RTL4: variants seen among roughly 807,000 people sequenced by gnomAD.
RTL4 encodes the protein retrotransposon Gag-like protein 4.
A neutral mutation model predicts 5.3 loss-of-function variants in RTL4; 4 were observed. That is an observed-to-expected ratio of 0.75 (90% CI 0.37 to 1.72). The LOEUF (loss-of-function observed/expected upper bound fraction) is 1.72. Ranked by LOEUF, RTL4 falls within the 40% of genes most tolerant of loss-of-function variation. The pLI, the probability that RTL4 is intolerant of heterozygous loss-of-function variation, is 0.04. For synonymous variants in RTL4, 98 were observed against 87.3 expected (o/e 1.12, Z -0.68); for missense variants, 260 against 227.1 (o/e 1.14, Z -0.93).
the RTL4 span, among the ~76,000 whole-genome samples, chrX:112,175,220 G>A: frequency 5.6e-3 from 560 of 99,676 alleles, 7 homozygotes; most frequent in African/African-American, 0.017. Flanking sequence ...TAGGTCTAAC[G>A]TTTAAGTCTT....
the RTL4 span, among the ~76,000 whole-genome samples, chrX:112,110,774 T>G: frequency 8.9e-6 from 1 of 112,283 alleles, no homozygotes. Context: ...CTAACTCTGC[T>G]TTTACAAGAG....
At chrX:112,256,832 G>A in the RTL4 span, among the ~76,000 whole-genome samples, 4 of 111,556 alleles carry the variant, frequency 3.6e-5, no homozygotes, top group Admixed American at 9.6e-5. Flanking sequence ...TTTATTGCTG[G>A]TGTATAAGAA....
At chrX:112,400,864 C>G in the RTL4 span, among the ~76,000 whole-genome samples, 4 of 111,372 alleles carry the variant, frequency 3.6e-5, no homozygotes, top group African/African-American at 1.3e-4. Flanking sequence ...TTCTTTGGTA[C>G]TCTCTTCTGC....
the RTL4 span, among the ~76,000 whole-genome samples, chrX:112,303,309 AATTAT>A: frequency 9.0e-6 from 1 of 110,782 alleles, no homozygotes; most frequent in African/African-American, 3.3e-5. Context: ...ATTTTAAATG[AATTAT>A]ATTATCCATA....
At chrX:112,083,034 C>G in the RTL4 span, among the ~76,000 whole-genome samples, 109 of 110,099 alleles carry the variant, frequency 9.9e-4, no homozygotes, top group Admixed American at 5.7e-3. Flanking sequence ...TGCAGCTCCG[C>G]GGCCAGGGGT....
the RTL4 span, among the ~76,000 whole-genome samples, chrX:112,189,917 CCTT>C: frequency 9.0e-6 from 1 of 111,518 alleles, no homozygotes; most frequent in Non-Finnish European, 1.9e-5. Flanking sequence ...ACAAAACAGA[CCTT>C]GAGAAATTCA....
the RTL4 span, among the ~76,000 whole-genome samples, chrX:112,339,648 GA>G: frequency 2.7e-5 from 3 of 112,517 alleles, no homozygotes; most frequent in Non-Finnish European, 5.6e-5. Context: ...CGCTAACAAT[GA>G]AAAGACTAAA....
At chrX:112,113,590 G>T in the RTL4 span, among the ~76,000 whole-genome samples, 1 of 110,603 alleles carries the variant, frequency 9.0e-6, no homozygotes, top group Non-Finnish European at 1.9e-5. Flanking sequence ...GCCCAGTGAG[G>T]GTGGTGACAT....
the RTL4 span, among the ~76,000 whole-genome samples, chrX:112,412,769 G>T: frequency 2.2e-4 from 24 of 111,210 alleles, no homozygotes; most frequent in Admixed American, 2.2e-3. Context: ...AAAATCTTGA[G>T]GAGACTCTTC....
At chrX:112,103,258 T>G in the RTL4 span, among the ~76,000 whole-genome samples, 2,686 of 111,985 alleles carry the variant, frequency 0.024, 95 homozygotes, top group African/African-American at 0.083. Context: ...AATGAGACCC[T>G]GTCCTTTGCA....
the RTL4 span, among the ~76,000 whole-genome samples, chrX:112,428,585 C>T: frequency 1.8e-5 from 2 of 111,459 alleles, no homozygotes; most frequent in Non-Finnish European, 3.8e-5. Flanking sequence ...TGTAGTCTAT[C>T]TTGATGAATG....
At chrX:112,287,486 C>T in the RTL4 span, among the ~76,000 whole-genome samples, 3 of 111,734 alleles carry the variant, frequency 2.7e-5, no homozygotes, top group Admixed American at 9.5e-5. Context: ...TAATCTTGGA[C>T]GTATTCATTG....
chrX:112,251,467 A>G, the RTL4 span, among the ~76,000 whole-genome samples: 1 of 112,093 alleles, frequency 8.9e-6, no homozygotes, highest in African/African-American at 3.2e-5. Flanking sequence ...AACACTACAC[A>G]TCAGGCCATT....
At chrX:112,207,604 G>T in the RTL4 span, among the ~76,000 whole-genome samples, 1 of 106,929 alleles carries the variant, frequency 9.4e-6, no homozygotes, top group South Asian at 4.1e-4. Flanking sequence ...ATAGATTTCA[G>T]TAATGGCTTA....
chrX:112,326,583 G>A, the RTL4 span, among the ~76,000 whole-genome samples: 2 of 111,908 alleles, frequency 1.8e-5, no homozygotes, highest in Non-Finnish European at 3.8e-5. Context: ...TGGGGGAGGG[G>A]CGCCCACCAT....
At chrX:112,418,368 T>C in the RTL4 span, among the ~76,000 whole-genome samples, 4 of 111,400 alleles carry the variant, frequency 3.6e-5, no homozygotes, top group African/African-American at 1.3e-4. Flanking sequence ...ATTAAACTCT[T>C]TAGAAGGTCT....
At chrX:112,208,606 A>G in the RTL4 span, among the ~76,000 whole-genome samples, 3 of 112,311 alleles carry the variant, frequency 2.7e-5, no homozygotes, top group Admixed American at 9.4e-5. Flanking sequence ...ATTCTAATCA[A>G]GGAAGAAAGT....
chrX:112,304,130 C>G, the RTL4 span, among the ~76,000 whole-genome samples: 1 of 110,080 alleles, frequency 9.1e-6, no homozygotes, highest in African/African-American at 3.4e-5. Flanking sequence ...GGAAGGCTGC[C>G]TAAGGATAAA....
At chrX:112,442,668 T>C in the RTL4 span, among the ~76,000 whole-genome samples, 14 of 112,230 alleles carry the variant, frequency 1.2e-4, no homozygotes, top group East Asian at 3.4e-3. Flanking sequence ...CCCCAGCTAT[T>C]GTTTTGACAC....
Sources: allele counts gnomAD v4.1 joint callset (sites outside exome capture counted in the v4.1 genomes callset), GRCh38; gene constraint gnomAD v4.1.1; transcripts MANE v1.5; gene names NCBI Gene and HGNC (gene_info 2026-07-23, HGNC 2026-07-21).